The following TMEM132C variants were observed in gnomAD, a reference collection of about 807,000 sequenced individuals.
TMEM132C encodes the protein transmembrane protein 132C.
TMEM132C carries 29 observed loss-of-function variants against 61.4 expected under a neutral mutation model. That is an observed-to-expected ratio of 0.47 (90% CI 0.35 to 0.64). The LOEUF (loss-of-function observed/expected upper bound fraction) is 0.64. Among genes scored for constraint, TMEM132C ranks in the 30% least tolerant of loss-of-function variants. TMEM132C has a pLI of 0.00. For missense variants in TMEM132C, 1,408 were observed against 1,476.9 expected (o/e 0.95, Z 0.76); for synonymous variants, 656 against 633.1 (o/e 1.04, Z -0.54).
intron 1 of TMEM132C, among the ~76,000 whole-genome samples, chr12:128,329,104 G>A (rs961885969): frequency 3.9e-5 from 6 of 152,248 alleles, no homozygotes; most frequent in African/African-American, 1.2e-4. Context: ...CAAATCCAGC[G>A]CAGACATCAT....
At chr12:128,603,498 C>T (rs1274973562) in intron 3 of TMEM132C, among the ~76,000 whole-genome samples, 1 of 152,302 alleles carries the variant, frequency 6.6e-6, no homozygotes, top group East Asian at 1.9e-4. Context: ...TTGTGCCTCT[C>T]CCCTCCAGCA....
chr12:128,614,223 G>A (rs1391840171), intron 3 of TMEM132C, among the ~76,000 whole-genome samples: 1 of 152,158 alleles, frequency 6.6e-6, no homozygotes, highest in Non-Finnish European at 1.5e-5. Flanking sequence ...AGCCAATACT[G>A]GCAAAAGTTT....
chr12:128,349,956 T>G (rs764206102), intron 1 of TMEM132C, among the ~76,000 whole-genome samples: 3 of 152,084 alleles, frequency 2.0e-5, no homozygotes, highest in Non-Finnish European at 4.4e-5. Flanking sequence ...CAAGCATACA[T>G]GTGTGATTTC....
intron 2 of TMEM132C, among the ~76,000 whole-genome samples, chr12:128,455,393 G>A (rs376915911): frequency 4.6e-5 from 7 of 152,180 alleles, no homozygotes; most frequent in South Asian, 2.1e-4. Flanking sequence ...CAGCCCGGCC[G>A]TCTGTGCTCA....
chr12:128,502,339 G>A (rs1237822494), intron 2 of TMEM132C, among the ~76,000 whole-genome samples: 3 of 152,246 alleles, frequency 2.0e-5, no homozygotes, highest in African/African-American at 7.2e-5. Context: ...TGTGTGTGCA[G>A]TTCTCCATGG....
intron 4 of TMEM132C, among the ~76,000 whole-genome samples, chr12:128,645,230 G>A (rs549779742): frequency 3.3e-5 from 5 of 152,220 alleles, no homozygotes; most frequent in Admixed American, 1.3e-4. Context: ...GAACCAGTAC[G>A]GCCTCTCTCC....
At chr12:128,364,491 G>C (rs7958031) in intron 1 of TMEM132C, among the ~76,000 whole-genome samples, 1 of 152,164 alleles carries the variant, frequency 6.6e-6, no homozygotes, top group South Asian at 2.1e-4. Flanking sequence ...ATTTAGATTC[G>C]CTGCCTGGAC....
At chr12:128,584,836 C>G (rs745733997) in intron 3 of TMEM132C, among the ~76,000 whole-genome samples, 1 of 152,196 alleles carries the variant, frequency 6.6e-6, no homozygotes, top group Non-Finnish European at 1.5e-5. Flanking sequence ...GCTGTCCCCA[C>G]AGGCAGCTTC....
chr12:128,274,390 T>C (rs141098178), intron 1 of TMEM132C, among the ~76,000 whole-genome samples: 7 of 152,240 alleles, frequency 4.6e-5, no homozygotes, highest in African/African-American at 1.4e-4. Context: ...TTATCACTTA[T>C]GGACTAATTA....
intron 2 of TMEM132C, among the ~76,000 whole-genome samples, chr12:128,417,174 C>A (rs575445717): frequency 6.6e-6 from 1 of 152,206 alleles, no homozygotes; most frequent in South Asian, 2.1e-4. Context: ...AGTCCTCTTG[C>A]CCCCTGAGTT....
rs556650138 is a variant in TMEM132C, at chr12:128,673,373, T to C, written c.1449+3813T>C. Among the ~76,000 whole-genome samples the C allele has an allele frequency of 6.6e-5, 10 of 152,220 alleles. No individual in the cohort carries two copies. In the South Asian group the frequency reaches 1.0e-3, roughly 16 times the overall value. On this transcript the variant is annotated intron_variant, in intron 5 of 8. Transcript: ENST00000435159. ...GTAGAACCCAGCAATTCTGGCATCC[T>C]GATCTCAGACTTCCCAGTCTTCGGA... is the stretch of plus-strand genomic sequence containing the variant.
At chr12:128,685,536 T>C (rs987333781) in intron 5 of TMEM132C, among the ~76,000 whole-genome samples, 1 of 152,160 alleles carries the variant, frequency 6.6e-6, no homozygotes, top group Admixed American at 6.5e-5. Flanking sequence ...CTATTAATGG[T>C]CAAGTTCCAA....
intron 4 of TMEM132C, among the ~76,000 whole-genome samples, chr12:128,618,169 G>T (rs796527453): frequency 1.3e-5 from 2 of 152,200 alleles, no homozygotes; most frequent in African/African-American, 2.4e-5. Context: ...GTTCAGTTTC[G>T]ACCTATTTCA....
At chr12:128,303,058 G>A (rs1871646965) in intron 1 of TMEM132C, among the ~76,000 whole-genome samples, 1 of 152,158 alleles carries the variant, frequency 6.6e-6, no homozygotes, top group Non-Finnish European at 1.5e-5. Context: ...AATCAAAGAG[G>A]ACGACACAGC....
intron 8 of TMEM132C, among the ~76,000 whole-genome samples, chr12:128,702,533 G>A (rs1424942986): frequency 1.3e-5 from 2 of 151,972 alleles, no homozygotes; most frequent in African/African-American, 2.4e-5. Context: ...AACCACTCCC[G>A]GTGCAGCCTT....
At chr12:128,336,284 G>T (rs568590528) in intron 1 of TMEM132C, among the ~76,000 whole-genome samples, 1 of 152,100 alleles carries the variant, frequency 6.6e-6, no homozygotes, top group African/African-American at 2.4e-5. Flanking sequence ...AAATATGTGC[G>T]TATATAAAGA....
intron 7 of TMEM132C, 85 bp downstream of exon 7, chr12:128,696,188 G>C: frequency 6.8e-7 from 1 of 1,471,954 alleles, no homozygotes; most frequent in Non-Finnish European, 9.1e-7. Context: ...AGATCACTGT[G>C]GCCGATTCCC....
At chr12:128,549,557 C>T (rs1210771592) in intron 3 of TMEM132C, among the ~76,000 whole-genome samples, 2 of 152,096 alleles carry the variant, frequency 1.3e-5, no homozygotes, top group African/African-American at 4.8e-5. Context: ...CTGGTACTTG[C>T]CAGCTACCAT....
At chr12:128,347,389 ATATG>A (rs1199666153) in intron 1 of TMEM132C, among the ~76,000 whole-genome samples, 66 of 129,560 alleles carry the variant, frequency 5.1e-4, no homozygotes, top group African/African-American at 2.3e-3. Context: ...ATAAGCATGC[ATATG>A]TATGTCTCTC....
Sources: allele counts gnomAD v4.1 joint callset (sites outside exome capture counted in the v4.1 genomes callset), GRCh38; gene constraint gnomAD v4.1.1; transcripts MANE v1.5; gene names NCBI Gene and HGNC (gene_info 2026-07-23, HGNC 2026-07-21).